The following KCNQ1 variants were observed in gnomAD, a reference collection of about 807,000 sequenced individuals.
KCNQ1 encodes the protein potassium voltage-gated channel subfamily KQT member 1.
Under a neutral mutation model 72.4 loss-of-function variants are expected in KCNQ1, and 49 were observed. That is an observed-to-expected ratio of 0.68 (90% CI 0.54 to 0.86). The LOEUF (loss-of-function observed/expected upper bound fraction) is 0.86. KCNQ1 is among the 40% of genes least tolerant of loss of function. KCNQ1 has a pLI of 0.00. For missense variants in KCNQ1, 790 were observed against 945.1 expected, an observed-to-expected ratio of 0.84 and a Z score of 2.15; for synonymous variants, 450 against 412.6, an observed-to-expected ratio of 1.09 and a Z score of -1.10.
intron 10 of KCNQ1, among the ~76,000 whole-genome samples, chr11:2,594,304 C>T (rs1848707396): frequency 6.6e-6 from 1 of 152,154 alleles, no homozygotes; most frequent in African/African-American, 2.4e-5. Context: ...ATTGATTTTC[C>T]TTTGTAAGTG....
chr11:2,640,236 C>A (rs1267731453), intron 10 of KCNQ1: 2 of 395,878 alleles, frequency 5.1e-6, no homozygotes, highest in Admixed American at 4.4e-5. Flanking sequence ...TCTTGACGAG[C>A]CCCAGTGAGA....
chr11:2,659,145 TGA>T lies in KCNQ1; in HGVS notation c.1394-2813_1394-2812del. Reference sequence around the variant, plus strand: ...TTTGCATACAGTAAAATCCACTCTTTGAGATTCAGTTCTGTGGGTTTTGACAG... The same window carrying T: ...TTTGCATACAGTAAAATCCACTCTTTGATTCAGTTCTGTGGGTTTTGACAG... On this transcript the variant is annotated intron_variant, in intron 10 of 15. Transcript: ENST00000155840. This position sits in a 1 kb window ranked among gnomAD's most constrained non-coding sequence, Gnocchi z 4.3. The T allele has an allele frequency of 2.5e-6, 1 of 398,612 alleles. No individual in the cohort carries two copies. The highest frequency in any genetic ancestry group is 4.4e-6 in the Non-Finnish European group (1 of 226,050). The allele number at this position is 398,612 out of a possible 1,614,324, so 24.7% of individuals were successfully genotyped here.
At chr11:2,452,326 C>A (rs1350930745) in intron 1 of KCNQ1, among the ~76,000 whole-genome samples, 1 of 152,162 alleles carries the variant, frequency 6.6e-6, no homozygotes, top group East Asian at 1.9e-4. Flanking sequence ...CCTGTACTCC[C>A]TTCGGCCCTG....
intron 11 of KCNQ1, among the ~76,000 whole-genome samples, chr11:2,757,209 A>C (rs1183591243): frequency 2.0e-5 from 3 of 152,170 alleles, no homozygotes; most frequent in Non-Finnish European, 4.4e-5. Flanking sequence ...AGAAAATCCC[A>C]AGGAATCTAC....
chr11:2,560,090 G>T (rs1848136542), intron 2 of KCNQ1, among the ~76,000 whole-genome samples: 1 of 138,130 alleles, frequency 7.2e-6, no homozygotes, highest in Admixed American at 7.1e-5. Flanking sequence ...AGCCATGGGG[G>T]GCCGTGACAT....
chr11:2,445,136 A>T lies in KCNQ1; in HGVS notation c.38A>T (p.Lys13Met). Residue 13 changes from lysine to methionine, a missense_variant, in exon 1 of 16, where the codon AAG becomes ATG. Physicochemically the swap from Lys to Met is moderately conservative, Grantham distance 95 (BLOSUM62 -1). This residue lies in a region of KCNQ1 where 294 missense variants were observed against 323.3 expected (regional missense o/e 0.91). Coordinates refer to ENST00000155840, the MANE Select transcript of KCNQ1 (RefSeq NM_000218.3). ...TCCTCCCCGCCCAGGGCCGAGAGGAAGCGCTGGGGTTGGGGCCGCCTGCCA... is the reference window on the plus strand; with the variant it reads ...TCCTCCCCGCCCAGGGCCGAGAGGATGCGCTGGGGTTGGGGCCGCCTGCCA... ...AASSPPRAER[K>M]RWGWGRLPGA... 1 of 1,112,644 alleles carries T rather than the reference A, an allele frequency of 9.0e-7. No individual in the cohort carries two copies. Among genetic ancestry groups the T allele is most frequent in the Non-Finnish European group, 1.1e-6 (1 of 909,638 alleles). The allele number at this position is 1,112,644 out of a possible 1,614,324, so 68.9% of individuals were successfully genotyped here.
chr11:2,647,898 T>A lies in KCNQ1; in HGVS notation c.1394-14063T>A, dbSNP rs146248373. 1.7e-3 allele frequency: 665 copies of A among 398,490 alleles called. 5 individuals carry two copies. Among genetic ancestry groups the A allele is most frequent in the African/African-American group, 0.011 (539 of 48,686 alleles). The allele number at this position is 398,490 out of a possible 1,614,324, so 24.7% of individuals were successfully genotyped here. A position where few individuals can be genotyped will look rare whatever the true frequency, so the allele number is the denominator to read the frequency against. On this transcript the variant is annotated intron_variant, in intron 10 of 15. Transcript: ENST00000155840. The surrounding 1 kb of genome is among the most constrained non-coding windows in gnomAD (Gnocchi z 4.0). The stretch of plus-strand genomic sequence containing the variant: ...TTCTTGGTTAGTCTAGCTAATGGTT[T>A]ATTGATTTTCTCTTTTCAAAAAATC...
Position 2,626,540 on chromosome 11 carries a change from T to C in KCNQ1, c.1394-35421T>C, listed in dbSNP as rs1849265026. 5 of 398,480 alleles carry C rather than the reference T, an allele frequency of 1.3e-5. No homozygotes were observed. The highest frequency in any genetic ancestry group is 2.2e-5 in the Non-Finnish European group (5 of 226,090). 24.7% of individuals were successfully genotyped at this position (398,480 alleles called of 1,614,324 possible). ...GCTTCGTAATAAGTTGGGGTTTTTG[T>C]TTGTTTTTCAGACATTCTTACTCTG... On this transcript the variant is annotated intron_variant, in intron 10 of 15. Coordinates refer to ENST00000155840, the MANE Select transcript of KCNQ1 (RefSeq NM_000218.3). The surrounding 1 kb of genome is among the most constrained non-coding windows in gnomAD (Gnocchi z 4.0).
chr11:2,622,218 T>C, intron 10 of KCNQ1: 1 of 398,432 alleles, frequency 2.5e-6, no homozygotes, highest in Non-Finnish European at 4.4e-6. Context: ...TATTTTCTTA[T>C]ATTCTGGGGC....
chr11:2,726,145 T>G (rs1239379492), intron 11 of KCNQ1, among the ~76,000 whole-genome samples: 1 of 152,202 alleles, frequency 6.6e-6, no homozygotes, highest in East Asian at 1.9e-4. Context: ...ACCACCTGCC[T>G]GCTCCAGGCA....
rs1182024728 is a variant in KCNQ1 at position 2,447,400 on chromosome 11, G to C, written c.386+1916G>C. Among the ~76,000 whole-genome samples, 2 of 152,192 alleles carry C rather than the reference G, an allele frequency of 1.3e-5. No individual in the cohort carries two copies. Among genetic ancestry groups the C allele is most frequent in the African/African-American group, 2.4e-5 (1 of 41,520 alleles). Reference sequence around the variant, plus strand: ...GTTCTGGGTCCTGTCCTTGTAAGACGTGTGCCTGGCCCTGGGAAGTTGTCA... The same window carrying C: ...GTTCTGGGTCCTGTCCTTGTAAGACCTGTGCCTGGCCCTGGGAAGTTGTCA... On this transcript the variant is annotated intron_variant, in intron 1 of 15. Transcript: ENST00000155840. The surrounding 1 kb of genome is among the most constrained non-coding windows in gnomAD (Gnocchi z 7.6).
At chr11:2,757,211 G>A (rs1015683491) in intron 11 of KCNQ1, among the ~76,000 whole-genome samples, 1 of 151,910 alleles carries the variant, frequency 6.6e-6, no homozygotes, top group African/African-American at 2.4e-5. Context: ...AAAATCCCAA[G>A]GAATCTACAA....
At position 2,627,701 on chromosome 11, in the gene KCNQ1, T is replaced by G. The variant is rs774112666; in HGVS notation, c.1394-34260T>G. ...GTGTGTGTGTGTGTCTGTATGTATA[T>G]GTATGTGATGTGTTTATTTGGGAAT... On this transcript the variant is annotated intron_variant, in intron 10 of 15. Transcript: ENST00000155840. The surrounding 1 kb of genome is among the most constrained non-coding windows in gnomAD (Gnocchi z 4.9). 3 of 398,462 alleles carry G rather than the reference T, an allele frequency of 7.5e-6. No homozygotes were observed. Among genetic ancestry groups the G allele is most frequent in the Non-Finnish European group, 1.3e-5 (3 of 226,062 alleles). 24.7% of individuals were successfully genotyped at this position (398,462 alleles called of 1,614,324 possible).
chr11:2,618,379 C>G (rs1849104261), intron 10 of KCNQ1: 1 of 398,494 alleles, frequency 2.5e-6, no homozygotes, highest in Non-Finnish European at 4.4e-6. Flanking sequence ...TAAAGCCATC[C>G]TGGGCTTACA....
chr11:2,705,567 C>T (rs183727599), intron 11 of KCNQ1, among the ~76,000 whole-genome samples: 1 of 152,282 alleles, frequency 6.6e-6, no homozygotes, highest in East Asian at 1.9e-4. Context: ...GCAGCTTCCT[C>T]CCACAAAGCA....
intron 11 of KCNQ1, among the ~76,000 whole-genome samples, chr11:2,758,741 G>A (rs1271884319): frequency 6.6e-6 from 1 of 152,146 alleles, no homozygotes; most frequent in Non-Finnish European, 1.5e-5. Context: ...ACCCACTATC[G>A]GTACAACCTA....
rs1845740718 is a variant in KCNQ1, at chr11:2,725,360, T to C, written c.1515-43484T>C. ...GAGTTCGTGAGTGGCTGGTGGATAC[T>C]TAGTGGTTTGGCTTTCGGGTTCCTG... On this transcript the variant is annotated intron_variant, in intron 11 of 15. Transcript: ENST00000155840. This position sits in a 1 kb window ranked among gnomAD's most constrained non-coding sequence, Gnocchi z 7.2. Among the ~76,000 whole-genome samples the C allele has an allele frequency of 1.3e-5, 2 of 152,312 alleles. No homozygotes were observed. Among genetic ancestry groups the C allele is most frequent in the South Asian group, 4.1e-4 (2 of 4,828 alleles).
intron 11 of KCNQ1, among the ~76,000 whole-genome samples, chr11:2,719,840 C>T (rs542132671): frequency 1.1e-4 from 17 of 152,350 alleles, no homozygotes; most frequent in Admixed American, 7.8e-4. Context: ...CCTGATGTAG[C>T]TGTGGCCCTT....
rs1484071977 is a variant in KCNQ1, at chr11:2,674,438, G to C, written c.1514+12357G>C. Reference sequence around the variant, plus strand: ...CCGCGCGCACACGACCACAGAGGCTGGGGGGAGGCACGTGGGGAGGAGGGC... The same window carrying C: ...CCGCGCGCACACGACCACAGAGGCTCGGGGGAGGCACGTGGGGAGGAGGGC... On this transcript the variant is annotated intron_variant, in intron 11 of 15. Transcript: ENST00000155840. This position sits in a 1 kb window ranked among gnomAD's most constrained non-coding sequence, Gnocchi z 5.9. 5.0e-6 allele frequency: 2 copies of C among 398,528 alleles called. No homozygotes were observed. The allele number at this position is 398,528 out of a possible 1,614,324, so 24.7% of individuals were successfully genotyped here.
Sources: allele counts gnomAD v4.1 joint callset (sites outside exome capture counted in the v4.1 genomes callset), GRCh38; gene constraint gnomAD v4.1.1; regional missense constraint gnomAD v4.1.1; non-coding constraint Gnocchi (gnomAD v3.1); transcripts MANE v1.5; gene names NCBI Gene and HGNC (gene_info 2026-07-23, HGNC 2026-07-21).